The following ZCCHC17 variants were observed in gnomAD, a reference collection of about 807,000 sequenced individuals.
ZCCHC17 encodes zinc finger CCHC-type containing 17, also known as zinc finger CCHC domain-containing protein 17.
Under a neutral mutation model 30.6 loss-of-function variants are expected in ZCCHC17, and 18 were observed. The observed-to-expected ratio is 0.59, with a 90% confidence interval of 0.41 to 0.87. The LOEUF is 0.87. ZCCHC17 is among the 40% of genes least tolerant of loss of function. The probability of loss-of-function intolerance (pLI) is 0.00; values close to 1 mark genes in which losing one functional copy is unlikely to be tolerated. For synonymous variants in ZCCHC17, 88 were observed against 92.4 expected, an observed-to-expected ratio of 0.95 and a Z score of 0.27; for missense variants, 263 against 284.2, an observed-to-expected ratio of 0.93 and a Z score of 0.54.
rs1029865120 is a variant in ZCCHC17 at position 31,308,746 on chromosome 1, A to G, written c.-55-1298A>G. On this transcript the variant is annotated intron_variant, in intron 1 of 7. Coordinates refer to ENST00000344147, the MANE Select transcript of ZCCHC17 (RefSeq NM_016505.4). ...AGTATCCAAAGCTGTAAGTTTTGCTACTTAGGCAGTATCAGTGTCACCTAG... is the reference window on the plus strand; with the variant it reads ...AGTATCCAAAGCTGTAAGTTTTGCTGCTTAGGCAGTATCAGTGTCACCTAG... Among the ~76,000 whole-genome samples, 5 of 152,338 alleles carry G rather than the reference A, an allele frequency of 3.3e-5. No homozygotes were observed. The South Asian group carries it at 6.2e-4, about 19-fold the overall frequency.
chr1:31,305,301 A>G (rs150925411), intron 1 of ZCCHC17, among the ~76,000 whole-genome samples: 1 of 150,722 alleles, frequency 6.6e-6, no homozygotes, highest in African/African-American at 2.4e-5. Context: ...TTTTTTTGAG[A>G]CAGGGTTTCA....
At chr1:31,354,786 T>G (rs1311383553) in intron 7 of ZCCHC17, among the ~76,000 whole-genome samples, 2 of 152,226 alleles carry the variant, frequency 1.3e-5, no homozygotes, top group Non-Finnish European at 2.9e-5. Flanking sequence ...ACCTGCTTAG[T>G]CAACCTACTA....
At chr1:31,359,399 T>C (rs558608949) in intron 7 of ZCCHC17, among the ~76,000 whole-genome samples, 12 of 152,208 alleles carry the variant, frequency 7.9e-5, no homozygotes, top group Middle Eastern at 3.4e-3. Context: ...CATGCGCCTG[T>C]AGTCCCAGCT....
intron 2 of ZCCHC17, chr1:31,318,372 T>C (rs777113613): frequency 1.5e-5 from 10 of 688,494 alleles, no homozygotes; most frequent in Non-Finnish European, 2.4e-5. Context: ...AGAGCCTAGG[T>C]TAATGATTTA....
At chr1:31,360,220 A>G (rs1050413760) in intron 7 of ZCCHC17, among the ~76,000 whole-genome samples, 1 of 150,094 alleles carries the variant, frequency 6.7e-6, no homozygotes, top group African/African-American at 2.5e-5. Context: ...CCCAGGCTGG[A>G]GTGCAGTGGC....
intron 3 of ZCCHC17, among the ~76,000 whole-genome samples, chr1:31,324,138 G>A (rs10914355): frequency 0.54 from 82,628 of 152,096 alleles, 23,354 homozygotes; most frequent in Non-Finnish European, 0.62. Context: ...GAGAGGAAAA[G>A]AAAGTGCATC....
At chr1:31,328,881 C>G (rs1444406594) in intron 3 of ZCCHC17, among the ~76,000 whole-genome samples, 1 of 152,108 alleles carries the variant, frequency 6.6e-6, no homozygotes, top group East Asian at 1.9e-4. Context: ...AATTCCAGTC[C>G]TCTAAGCCAG....
At chr1:31,318,107 A>G (rs541597254) in intron 2 of ZCCHC17, 4 of 1,264,242 alleles carry the variant, frequency 3.2e-6, no homozygotes, top group Non-Finnish European at 4.3e-6. Context: ...GTGAGTATTC[A>G]GTATATATTA....
intron 5 of ZCCHC17, among the ~76,000 whole-genome samples, chr1:31,341,932 C>A (rs987819867): frequency 2.0e-5 from 3 of 152,100 alleles, no homozygotes; most frequent in Non-Finnish European, 4.4e-5. Flanking sequence ...CTTTTTTCCT[C>A]ATACTATGGT....
chr1:31,339,960 C>T (rs78316236), intron 5 of ZCCHC17, among the ~76,000 whole-genome samples: 324 of 90,318 alleles, frequency 3.6e-3, no homozygotes, highest in Non-Finnish European at 5.4e-3. Context: ...TCTTGGATTT[C>T]TTTTTTTTTT....
intron 5 of ZCCHC17, among the ~76,000 whole-genome samples, chr1:31,343,325 G>A (rs956141242): frequency 3.9e-5 from 6 of 152,290 alleles, no homozygotes; most frequent in African/African-American, 1.4e-4. Context: ...CTCCCAAAGT[G>A]CTGGGATTAC....
intron 2 of ZCCHC17, among the ~76,000 whole-genome samples, chr1:31,312,640 A>G (rs1374456250): frequency 2.0e-5 from 3 of 152,194 alleles, no homozygotes; most frequent in Admixed American, 6.5e-5. Flanking sequence ...TAAATAAGCT[A>G]TCATCTATAA....
At chr1:31,335,934 TTTA>T (rs1203009635) in intron 3 of ZCCHC17, among the ~76,000 whole-genome samples, 1 of 152,254 alleles carries the variant, frequency 6.6e-6, no homozygotes, top group Non-Finnish European at 1.5e-5. Flanking sequence ...TGTTTACTTT[TTTA>T]TTCCACAGAT....
intron 7 of ZCCHC17, 114 bp downstream of exon 7, chr1:31,349,088 G>A: frequency 7.8e-7 from 1 of 1,285,898 alleles, no homozygotes; most frequent in Non-Finnish European, 1.0e-6. Flanking sequence ...GGGAGGATAA[G>A]GTGGGAGGAT....
intron 5 of ZCCHC17, among the ~76,000 whole-genome samples, chr1:31,340,299 A>G (rs935469783): frequency 1.4e-5 from 2 of 139,202 alleles, no homozygotes; most frequent in African/African-American, 5.2e-5. Context: ...AGTCTCTTAA[A>G]GGGGGATCTT....
intron 3 of ZCCHC17, among the ~76,000 whole-genome samples, chr1:31,332,059 T>C (rs969744507): frequency 9.9e-5 from 15 of 152,242 alleles, no homozygotes; most frequent in African/African-American, 3.6e-4. Context: ...TTCAGGTATT[T>C]AATCTGAAGG....
At chr1:31,359,081 G>A (rs755003040) in intron 7 of ZCCHC17, among the ~76,000 whole-genome samples, 2 of 152,268 alleles carry the variant, frequency 1.3e-5, no homozygotes, top group South Asian at 2.1e-4. Flanking sequence ...AAGTAAATAA[G>A]ACCCAATAAT....
intron 3 of ZCCHC17, among the ~76,000 whole-genome samples, chr1:31,327,722 G>A (rs1483631550): frequency 6.6e-6 from 1 of 152,142 alleles, no homozygotes; most frequent in African/African-American, 2.4e-5. Flanking sequence ...TGGCCCCAAA[G>A]TGTAATACTA....
chr1:31,335,394 G>T (rs1312781993), intron 3 of ZCCHC17, among the ~76,000 whole-genome samples: 2 of 152,152 alleles, frequency 1.3e-5, no homozygotes, highest in Admixed American at 6.5e-5. Flanking sequence ...ATTTATTTTT[G>T]AGACAAAGTC....
Sources: allele counts gnomAD v4.1 joint callset (sites outside exome capture counted in the v4.1 genomes callset), GRCh38; gene constraint gnomAD v4.1.1; transcripts MANE v1.5; gene names NCBI Gene and HGNC (gene_info 2026-07-23, HGNC 2026-07-21).